The following MEGF6 variants were observed in gnomAD, a reference collection of about 807,000 sequenced individuals.
MEGF6 encodes multiple EGF like domains 6, also known as multiple epidermal growth factor-like domains protein 6.
Under a neutral mutation model 207.1 loss-of-function variants are expected in MEGF6, and 184 were observed. That is an observed-to-expected ratio of 0.89 (90% CI 0.79 to 1.00). The LOEUF (loss-of-function observed/expected upper bound fraction) is 1.00, where lower values mean the gene tolerates loss of function less well. Ranked by LOEUF, MEGF6 falls within the 50% of genes least tolerant of loss-of-function variation. The probability of loss-of-function intolerance (pLI) is 0.00; values close to 1 mark genes in which losing one functional copy is unlikely to be tolerated. For synonymous variants in MEGF6, 1,038 were observed against 910.0 expected, an observed-to-expected ratio of 1.14 and a Z score of -2.53; for missense variants, 2,282 against 2,202.9, an observed-to-expected ratio of 1.04 and a Z score of -0.72.
rs536257442 is a variant in MEGF6, at chr1:3,514,842, C to T, written c.731-170G>A. On this transcript the variant is annotated intron_variant, in intron 6 of 36. Coordinates refer to ENST00000356575, the MANE Select transcript of MEGF6 (RefSeq NM_001409.4). ...CCTCCTCCCAGGTGCGGGAAGCCCCCAAGACGCCGAGAAGACTCTGCAGTC... is the reference window on the plus strand; with the variant it reads ...CCTCCTCCCAGGTGCGGGAAGCCCCTAAGACGCCGAGAAGACTCTGCAGTC... Among the ~76,000 whole-genome samples the T allele has an allele frequency of 2.6e-5, 4 of 152,294 alleles. No homozygotes were observed. In the South Asian group the frequency reaches 8.3e-4, roughly 32 times the overall value.
rs1018455474 is a variant in MEGF6 at position 3,490,602 on chromosome 1, A to C, written c.4565-13T>G. The C allele has an allele frequency of 1.9e-6, 3 of 1,612,410 alleles. No individual in the cohort carries two copies. The African/African-American group carries it at 4.0e-5, about 22-fold the overall frequency. On this transcript the variant is annotated splice_polypyrimidine_tract_variant and intron_variant, in intron 36 of 36. Transcript: ENST00000356575. Reference sequence around the variant, plus strand: ...GGCAGTGTGCCCGCTGGGGAAAAGGAGAAAAGAGGGCCAGTCCAGGGTGGG... The same window carrying C: ...GGCAGTGTGCCCGCTGGGGAAAAGGCGAAAAGAGGGCCAGTCCAGGGTGGG...
At chr1:3,609,426 G>A (rs760305281) in intron 1 of MEGF6, among the ~76,000 whole-genome samples, 14 of 152,220 alleles carry the variant, frequency 9.2e-5, no homozygotes, top group Non-Finnish European at 1.8e-4. Flanking sequence ...TGGAAGGCAC[G>A]CCTGCCACCG....
At chr1:3,498,676 T>A in intron 25 of MEGF6, 22 bp downstream of exon 25, 11 of 1,542,684 alleles carry the variant, frequency 7.1e-6, no homozygotes, top group Non-Finnish European at 9.6e-6. Context: ...GGTATGTCCC[T>A]CCTCTGCCGC....
chr1:3,505,284 G>A lies in MEGF6; in HGVS notation c.2112C>T (p.Gly704=), dbSNP rs368986153. The A allele has an allele frequency of 6.8e-6, 11 of 1,612,080 alleles. No homozygotes were observed. The highest frequency in any genetic ancestry group is 1.3e-5 in the African/African-American group (1 of 74,868). ...GCWQACTCPV[G]VACDSVSGEC... is the part of the protein sequence containing the mutation. ...CGCCGCTCACGGAGTCACAGGCCAC[G>A]CCCACTGGGCAGGTGCATGCCTGCC... Residue 704 remains glycine, a synonymous_variant, in exon 17 of 37, where the codon GGC becomes GGT. Coordinates refer to ENST00000356575, the MANE Select transcript of MEGF6 (RefSeq NM_001409.4).
At chr1:3,521,633 C>G (rs1298467678) in intron 5 of MEGF6, among the ~76,000 whole-genome samples, 1 of 152,176 alleles carries the variant, frequency 6.6e-6, no homozygotes, top group African/African-American at 2.4e-5. Flanking sequence ...GACTCCGTCC[C>G]CGGTCTACAA....
intron 17 of MEGF6, among the ~76,000 whole-genome samples, chr1:3,502,139 T>G (rs1173100701): frequency 2.0e-4 from 3 of 15,088 alleles, no homozygotes; most frequent in Non-Finnish European, 3.4e-4. Flanking sequence ...GTGGGGCTGC[T>G]GAGCACACCT....
In MEGF6 at chr1:3,515,387, G is replaced by C; in HGVS notation, c.730+15C>G. Reference sequence around the variant, plus strand: ...TCCACCCCCAGGTCCTCCCTCCCAGGCTGGCAGCACTCACGGACACAATGC... The same window carrying C: ...TCCACCCCCAGGTCCTCCCTCCCAGCCTGGCAGCACTCACGGACACAATGC... On this transcript the variant is annotated intron_variant, in intron 6 of 36. Transcript: ENST00000356575. 1 of 1,606,650 alleles carries C rather than the reference G, an allele frequency of 6.2e-7. No individual in the cohort carries two copies. The highest frequency in any genetic ancestry group is 1.7e-5 in the Admixed American group (1 of 59,288).
chr1:3,570,256 G>T (rs1332536572), intron 4 of MEGF6, among the ~76,000 whole-genome samples: 1 of 152,166 alleles, frequency 6.6e-6, no homozygotes, highest in East Asian at 1.9e-4. Flanking sequence ...CAGGCAGAAG[G>T]GGCCGCCTGG....
the MEGF6 span, among the ~76,000 whole-genome samples, chr1:3,619,692 A>T: frequency 6.6e-6 from 1 of 152,188 alleles, no homozygotes; most frequent in African/African-American, 2.4e-5. Context: ...GCCGGGTGTA[A>T]TGGTGAGTCA....
intron 29 of MEGF6, 74 bp downstream of exon 29, chr1:3,496,581 C>G (rs1322590966): frequency 5.1e-5 from 79 of 1,541,708 alleles, no homozygotes; most frequent in Non-Finnish European, 5.6e-5. Flanking sequence ...GGGGGCCATC[C>G]TCCTGCAGGC....
At chr1:3,533,725 G>A (rs1242841445) in intron 4 of MEGF6, among the ~76,000 whole-genome samples, 2 of 152,180 alleles carry the variant, frequency 1.3e-5, no homozygotes, top group African/African-American at 4.8e-5. Context: ...GCTACAGGAT[G>A]GGGCCCAGTA....
At chr1:3,557,331 T>A (rs1643064972) in intron 4 of MEGF6, among the ~76,000 whole-genome samples, 1 of 152,136 alleles carries the variant, frequency 6.6e-6, no homozygotes, top group Non-Finnish European at 1.5e-5. Context: ...ACCTTTACCA[T>A]GAAAAACAAA....
chr1:3,581,416 G>A (rs1001819003), intron 3 of MEGF6, among the ~76,000 whole-genome samples: 2 of 152,148 alleles, frequency 1.3e-5, no homozygotes, highest in Non-Finnish European at 2.9e-5. Flanking sequence ...GTCCGAACGC[G>A]ATAGGGTGGG....
chr1:3,563,051 A>T (rs1261717603), intron 4 of MEGF6, among the ~76,000 whole-genome samples: 1 of 151,388 alleles, frequency 6.6e-6, no homozygotes, highest in Non-Finnish European at 1.5e-5. Context: ...GGTCCTGCCC[A>T]CACCCCTTCT....
upstream of MEGF6, among the ~76,000 whole-genome samples, chr1:3,613,712 A>G (rs539742911): frequency 2.6e-5 from 4 of 152,312 alleles, no homozygotes; most frequent in South Asian, 8.3e-4. Context: ...GCCCTCTGGA[A>G]GAAAAATCAT....
intron 10 of MEGF6, among the ~76,000 whole-genome samples, chr1:3,510,335 A>G (rs1641292667): frequency 1.3e-5 from 2 of 152,240 alleles, no homozygotes; most frequent in East Asian, 3.9e-4. Flanking sequence ...CCCTCCAGGC[A>G]GCAGGCACTC....
intron 4 of MEGF6, among the ~76,000 whole-genome samples, chr1:3,526,443 G>A (rs1321881948): frequency 2.0e-5 from 3 of 150,086 alleles, no homozygotes; most frequent in African/African-American, 7.4e-5. Flanking sequence ...TGTCGCCCAG[G>A]CTGGAGTGCA....
At chr1:3,515,672 T>A in intron 5 of MEGF6, 145 bp from the exon 6 acceptor site, 1 of 977,158 alleles carries the variant, frequency 1.0e-6, no homozygotes, top group Non-Finnish European at 1.5e-6. Flanking sequence ...CTCCGCCTTT[T>A]CATCTCCATC....
intron 12 of MEGF6, 120 bp from the exon 13 acceptor site, chr1:3,508,809 G>A: frequency 7.7e-7 from 1 of 1,304,480 alleles, no homozygotes; most frequent in South Asian, 1.5e-5. Flanking sequence ...GGCCCATGAG[G>A]GCCCCCAAAG....
Sources: allele counts gnomAD v4.1 joint callset (sites outside exome capture counted in the v4.1 genomes callset), GRCh38; gene constraint gnomAD v4.1.1; transcripts MANE v1.5; gene names NCBI Gene and HGNC (gene_info 2026-07-23, HGNC 2026-07-21).